Variants in SCN3A observed in about 807,000 individuals in gnomAD.
SCN3A encodes sodium channel protein type 3 subunit alpha.
A neutral mutation model predicts 187.6 loss-of-function variants in SCN3A; 60 were observed. The ratio of observed to expected loss-of-function variants is 0.32; its 90% CI spans 0.26 to 0.40. The LOEUF (loss-of-function observed/expected upper bound fraction) is 0.40, where lower values mean the gene tolerates loss of function less well. Ranked by LOEUF, SCN3A falls within the 10% of genes least tolerant of loss-of-function variation. SCN3A has a pLI of 1.00. For missense variants in SCN3A, 1,601 were observed against 2,428.2 expected (o/e 0.66, Z 7.16); for synonymous variants, 788 against 829.2 (o/e 0.95, Z 0.85).
At chr2:165,203,685 C>T (rs573201963) in intron 1 of SCN3A, 138 bp downstream of exon 1, 10 of 152,080 alleles carry the variant, frequency 6.6e-5, no homozygotes, top group Non-Finnish European at 8.8e-5. Flanking sequence ...ACACATCAAA[C>T]GATGCCTTTG....
chr2:165,094,365 A>C lies in SCN3A; in HGVS notation c.4536+9T>G, dbSNP rs2105635725. 1.3e-6 allele frequency: 2 copies of C among 1,594,416 alleles called. No homozygotes were observed. Among genetic ancestry groups the C allele is most frequent in the Admixed American group, 1.7e-5 (1 of 59,968 alleles). On this transcript the variant is annotated intron_variant, in intron 26 of 27. Coordinates refer to ENST00000283254, the MANE Select transcript of SCN3A (RefSeq NM_006922.4). The stretch of plus-strand genomic sequence containing the variant: ...CTTTGGAACATTAAAGGAGACAAGT[A>C]ATTCTTACTGCTGGGCGAGGTATGG...
chr2:165,188,461 G>T (rs1691375647), intron 1 of SCN3A, among the ~76,000 whole-genome samples: 1 of 152,018 alleles, frequency 6.6e-6, no homozygotes, highest in Non-Finnish European at 1.5e-5. Context: ...TATAAAATTG[G>T]ACTCTAAGCA....
chr2:165,131,419 T>TA lies in SCN3A; in HGVS notation c.2392-3dup, dbSNP rs2105777707. ...TGCTGTGAAAATCCCAGTAAAGACC[T>TA]AAAAAATAGAGATCAGCACTACTTC... On this transcript the variant is annotated splice_polypyrimidine_tract_variant and splice_region_variant and intron_variant, in intron 15 of 27. Coordinates refer to ENST00000283254, the MANE Select transcript of SCN3A (RefSeq NM_006922.4). The TA allele has an allele frequency of 6.2e-7, 1 of 1,601,550 alleles. No individual in the cohort carries two copies. Among genetic ancestry groups the TA allele is most frequent in the East Asian group, 2.3e-5 (1 of 44,346 alleles).
intron 15 of SCN3A, among the ~76,000 whole-genome samples, chr2:165,135,301 C>T (rs996784654): frequency 2.0e-5 from 3 of 152,050 alleles, no homozygotes; most frequent in African/African-American, 4.8e-5. Context: ...TCTCTTGATA[C>T]TCAAATTTGA....
Position 165,170,477 on chromosome 2 carries a change from A to G in SCN3A, c.336T>C (p.Thr112=). The G allele has an allele frequency of 6.2e-7, 1 of 1,611,660 alleles. No individual in the cohort carries two copies. The highest frequency in any genetic ancestry group is 8.5e-7 in the Non-Finnish European group (1 of 1,178,356). Residue 112 remains threonine (T), a synonymous_variant, in exon 4 of 28, where the codon ACT becomes ACC. Coordinates refer to ENST00000283254, the MANE Select transcript of SCN3A (RefSeq NM_006922.4). The part of the protein sequence containing the change: ...FSATSALYIL[T]PLNPVRKIAI... Reference sequence around the variant, plus strand: ...CAATTTTCCTAACAGGGTTTAGTGGAGTTAAAATATACAAGGCAGAGGTGG... The same window carrying G: ...CAATTTTCCTAACAGGGTTTAGTGGGGTTAAAATATACAAGGCAGAGGTGG...
At chr2:165,189,035 A>G (rs1396238078) in intron 1 of SCN3A, among the ~76,000 whole-genome samples, 1 of 152,166 alleles carries the variant, frequency 6.6e-6, no homozygotes, top group Non-Finnish European at 1.5e-5. Flanking sequence ...GCTTTTGGCA[A>G]TCAAGCCTGG....
At chr2:165,093,207 G>T (rs1194326615) in intron 26 of SCN3A, 1 of 152,122 alleles carries the variant, frequency 6.6e-6, no homozygotes, top group Non-Finnish European at 1.5e-5. Context: ...CAGATATTTA[G>T]ATAGAGAATA....
At chr2:165,105,106 T>C (rs372413761) in intron 21 of SCN3A, among the ~76,000 whole-genome samples, 14 of 152,132 alleles carry the variant, frequency 9.2e-5, no homozygotes, top group East Asian at 7.7e-4. Flanking sequence ...AGAGGGGCAA[T>C]TGATGGAGCT....
intron 9 of SCN3A, among the ~76,000 whole-genome samples, chr2:165,156,281 C>T (rs1008550643): frequency 2.0e-5 from 3 of 151,546 alleles, no homozygotes; most frequent in Middle Eastern, 3.4e-3. Context: ...CCAAGGCGGG[C>T]GGATCATAAG....
At chr2:165,201,086 G>A (rs1018247977) in intron 1 of SCN3A, among the ~76,000 whole-genome samples, 3 of 151,994 alleles carry the variant, frequency 2.0e-5, no homozygotes, top group African/African-American at 4.8e-5. Context: ...CAGAAACTTC[G>A]TCTAACAGGT....
intron 1 of SCN3A, among the ~76,000 whole-genome samples, chr2:165,198,336 A>T (rs566786025): frequency 6.6e-6 from 1 of 152,022 alleles, no homozygotes; most frequent in Non-Finnish European, 1.5e-5. Context: ...CTGAGTGCCA[A>T]TGTAGCTGTG....
intron 15 of SCN3A, among the ~76,000 whole-genome samples, chr2:165,133,546 G>A (rs967262916): frequency 2.6e-5 from 4 of 151,298 alleles, no homozygotes; most frequent in Admixed American, 6.6e-5. Context: ...TTCACATCAC[G>A]TTGGCCAGGC....
At chr2:165,170,733 T>A (rs1690051075) in intron 3 of SCN3A, among the ~76,000 whole-genome samples, 185 bp from the exon 4 acceptor site, 1 of 151,964 alleles carries the variant, frequency 6.6e-6, no homozygotes, top group South Asian at 2.1e-4. Flanking sequence ...CAAATAAAGA[T>A]ACTATTTACT....
intron 18 of SCN3A, among the ~76,000 whole-genome samples, chr2:165,117,130 A>T (rs1015837196): frequency 3.3e-5 from 5 of 151,946 alleles, no homozygotes; most frequent in African/African-American, 1.2e-4. Context: ...TGTAACTAAG[A>T]AAATACTGGA....
chr2:165,200,894 A>G (rs138657422), intron 1 of SCN3A, among the ~76,000 whole-genome samples: 22 of 152,214 alleles, frequency 1.4e-4, no homozygotes, highest in African/African-American at 5.1e-4. Context: ...CATCAAGCAC[A>G]ATTTGCCTTT....
intron 3 of SCN3A, among the ~76,000 whole-genome samples, chr2:165,170,839 T>C (rs16822785): frequency 0.22 from 34,118 of 151,856 alleles, 5,040 homozygotes; most frequent in East Asian, 0.52. Flanking sequence ...AGATTCCAAC[T>C]CTATTTAAAG....
chr2:165,163,298 T>C (rs1273607211), intron 7 of SCN3A, among the ~76,000 whole-genome samples: 2 of 152,142 alleles, frequency 1.3e-5, no homozygotes, highest in Admixed American at 1.3e-4. Flanking sequence ...ATTTTTGAAC[T>C]ACATCTGCAG....
At chr2:165,152,625 C>A (rs553847027) in intron 11 of SCN3A, among the ~76,000 whole-genome samples, 118 of 152,208 alleles carry the variant, frequency 7.8e-4, no homozygotes, top group African/African-American at 2.6e-3. Flanking sequence ...ATTTCTAGTT[C>A]TAGATACCTG....
intron 9 of SCN3A, among the ~76,000 whole-genome samples, chr2:165,156,841 C>G (rs145058315): frequency 6.6e-6 from 1 of 152,014 alleles, no homozygotes; most frequent in Non-Finnish European, 1.5e-5. Flanking sequence ...TGCGAGCCAC[C>G]GCACCCAGCC....
Sources: gnomAD v4.1 joint callset for allele counts (sites outside exome capture counted in the v4.1 genomes callset) on GRCh38, gnomAD v4.1.1 for gene constraint, MANE v1.5 for transcripts, NCBI Gene and HGNC (gene_info 2026-07-23, HGNC 2026-07-21) for gene names.